The following NEGR1 variants were observed in gnomAD, a reference collection of about 807,000 sequenced individuals.
NEGR1 encodes the protein IgLON family member 4.
In NEGR1, 10 loss-of-function variants were observed where a neutral mutation model predicts 40.9. The ratio of observed to expected loss-of-function variants is 0.24; its 90% CI spans 0.15 to 0.42. NEGR1 has a LOEUF of 0.42. Ranked by LOEUF, NEGR1 falls within the 10% of genes least tolerant of loss-of-function variation. The probability of loss-of-function intolerance (pLI) is 1.00; values close to 1 mark genes in which losing one functional copy is unlikely to be tolerated. For missense variants in NEGR1, 352 were observed against 438.9 expected (o/e 0.80, Z 1.77); for synonymous variants, 185 against 166.8 (o/e 1.11, Z -0.84).
At chr1:72,049,511 T>A (rs1163004115) in intron 1 of NEGR1, among the ~76,000 whole-genome samples, 2 of 151,634 alleles carry the variant, frequency 1.3e-5, no homozygotes, top group Non-Finnish European at 3.0e-5. Flanking sequence ...TGGCTTAAAA[T>A]GAAACAAATT....
intron 1 of NEGR1, among the ~76,000 whole-genome samples, chr1:72,279,527 G>A (rs1306944757): frequency 6.6e-6 from 1 of 152,172 alleles, no homozygotes; most frequent in Non-Finnish European, 1.5e-5. Context: ...ATTTGGTTAA[G>A]TGTTCTCTTG....
At chr1:71,887,047 G>A (rs1660742936) in intron 2 of NEGR1, among the ~76,000 whole-genome samples, 1 of 152,144 alleles carries the variant, frequency 6.6e-6, no homozygotes, top group Non-Finnish European at 1.5e-5. Flanking sequence ...CCAGTAAAAA[G>A]CAGTTGATTT....
chr1:71,408,251 T>C (rs1646292297), intron 6 of NEGR1, among the ~76,000 whole-genome samples: 1 of 151,934 alleles, frequency 6.6e-6, no homozygotes, highest in Non-Finnish European at 1.5e-5. Context: ...AATATAAAGG[T>C]AGATTTAGTC....
chr1:71,627,682 C>T (rs192026847), intron 4 of NEGR1, among the ~76,000 whole-genome samples: 13 of 152,064 alleles, frequency 8.5e-5, no homozygotes, highest in East Asian at 7.8e-4. Context: ...CATTTGGAAG[C>T]GAAGGAGAGT....
chr1:72,114,437 A>C (rs185562234), intron 1 of NEGR1, among the ~76,000 whole-genome samples: 11 of 151,780 alleles, frequency 7.2e-5, no homozygotes, highest in East Asian at 1.9e-4. Context: ...ATAAATCGTT[A>C]TCTCTCTCAT....
At position 71,895,402 on chromosome 1, in the gene NEGR1, T is replaced by C. The variant is rs1032221064; in HGVS notation, c.409+39677A>G. On this transcript the variant is annotated intron_variant, in intron 2 of 6. Transcript: ENST00000357731. Reference sequence around the variant, plus strand: ...AGCAAATCCAGTTTTGTAAGCATCATATTTTCATCACTCCCAAAAGAAATG... The same window carrying C: ...AGCAAATCCAGTTTTGTAAGCATCACATTTTCATCACTCCCAAAAGAAATG... Among the ~76,000 whole-genome samples the C allele has an allele frequency of 3.9e-5, 6 of 152,330 alleles. No individual in the cohort carries two copies. The East Asian group carries it at 9.6e-4, about 24-fold the overall frequency.
intron 3 of NEGR1, among the ~76,000 whole-genome samples, chr1:71,728,610 T>C (rs771360427): frequency 1.3e-5 from 2 of 152,186 alleles, no homozygotes; most frequent in Admixed American, 6.6e-5. Flanking sequence ...CTCTTTTGAT[T>C]TTCGAGTAGG....
intron 4 of NEGR1, among the ~76,000 whole-genome samples, chr1:71,667,076 T>C (rs778155535): frequency 8.5e-5 from 13 of 152,136 alleles, no homozygotes; most frequent in Non-Finnish European, 1.5e-4. Context: ...ACAAAAGAAA[T>C]GTGAGCAGGG....
At chr1:72,078,118 G>GT (rs1430010643) in intron 1 of NEGR1, among the ~76,000 whole-genome samples, 4 of 152,012 alleles carry the variant, frequency 2.6e-5, no homozygotes, top group Non-Finnish European at 5.9e-5. Context: ...AGTCAGCCTG[G>GT]TTTTTCATCC....
At chr1:71,428,516 TAATG>T (rs1291626987) in intron 6 of NEGR1, among the ~76,000 whole-genome samples, 7 of 152,140 alleles carry the variant, frequency 4.6e-5, no homozygotes, top group African/African-American at 1.7e-4. Context: ...AGCTGAAAGA[TAATG>T]AATAATTTCA....
chr1:71,990,977 G>T (rs1012354312), intron 1 of NEGR1, among the ~76,000 whole-genome samples: 1 of 150,232 alleles, frequency 6.7e-6, no homozygotes, highest in Non-Finnish European at 1.5e-5. Context: ...GTGTCCAATT[G>T]AACAGTCTTT....
chr1:71,594,075 T>A (rs370576549), intron 5 of NEGR1, among the ~76,000 whole-genome samples: 45 of 152,264 alleles, frequency 3.0e-4, no homozygotes, highest in African/African-American at 1.0e-3. Flanking sequence ...AGTACAAAGG[T>A]CAATGGTATT....
At chr1:71,679,203 A>G (rs1652745487) in intron 4 of NEGR1, among the ~76,000 whole-genome samples, 1 of 152,098 alleles carries the variant, frequency 6.6e-6, no homozygotes. Flanking sequence ...CTTCTTTAGG[A>G]ATGGATGGAG....
At chr1:71,991,616 T>C (rs951813926) in intron 1 of NEGR1, among the ~76,000 whole-genome samples, 1 of 152,126 alleles carries the variant, frequency 6.6e-6, no homozygotes, top group African/African-American at 2.4e-5. Context: ...ATTACTTCTA[T>C]CAAAATACAC....
intron 6 of NEGR1, among the ~76,000 whole-genome samples, chr1:71,577,480 CTATG>C (rs1273842437): frequency 6.6e-6 from 1 of 152,154 alleles, no homozygotes; most frequent in African/African-American, 2.4e-5. Context: ...ACCCAGATGA[CTATG>C]TATCTCCTGG....
chr1:72,044,722 C>A (rs896518631), intron 1 of NEGR1, among the ~76,000 whole-genome samples: 2 of 151,762 alleles, frequency 1.3e-5, no homozygotes, highest in African/African-American at 4.8e-5. Flanking sequence ...AAGTGTTCAC[C>A]TTACTTTGGT....
At chr1:72,205,724 C>T (rs556854340) in intron 1 of NEGR1, among the ~76,000 whole-genome samples, 1 of 124,440 alleles carries the variant, frequency 8.0e-6, no homozygotes, top group East Asian at 2.3e-4. Context: ...AGCTCAAGAC[C>T]AGCCCGGGCA....
chr1:71,480,091 C>T (rs1285335814), intron 6 of NEGR1, among the ~76,000 whole-genome samples: 2 of 151,778 alleles, frequency 1.3e-5, no homozygotes, highest in Non-Finnish European at 2.9e-5. Context: ...ACATTTCAAC[C>T]AACCCATGTA....
chr1:71,824,617 C>T (rs986645526), intron 2 of NEGR1, among the ~76,000 whole-genome samples: 23 of 152,052 alleles, frequency 1.5e-4, no homozygotes, highest in African/African-American at 5.3e-4. Flanking sequence ...GTGTAATCAT[C>T]ATCCAAAACA....
Sources: gnomAD v4.1 joint callset for allele counts (sites outside exome capture counted in the v4.1 genomes callset) on GRCh38, gnomAD v4.1.1 for gene constraint, MANE v1.5 for transcripts, NCBI Gene and HGNC (gene_info 2026-07-23, HGNC 2026-07-21) for gene names.